SLC43A1: variants seen among roughly 807,000 people sequenced by gnomAD.
SLC43A1 encodes solute carrier family 43 member 1.
SLC43A1 carries 31 observed loss-of-function variants against 59.5 expected under a neutral mutation model. The ratio of observed to expected loss-of-function variants is 0.52; its 90% CI spans 0.39 to 0.70. The LOEUF (loss-of-function observed/expected upper bound fraction) is 0.70, where lower values mean the gene tolerates loss of function less well. Among genes scored for constraint, SLC43A1 ranks in the 30% least tolerant of loss-of-function variants. The probability of loss-of-function intolerance (pLI) is 0.00; values close to 1 mark genes in which losing one functional copy is unlikely to be tolerated. For missense variants in SLC43A1, 598 were observed against 717.8 expected (o/e 0.83, Z 1.91); for synonymous variants, 259 against 290.9 (o/e 0.89, Z 1.12).
chr11:57,503,619 G>A (rs895605769), intron 2 of SLC43A1, among the ~76,000 whole-genome samples: 6 of 152,086 alleles, frequency 3.9e-5, no homozygotes, highest in African/African-American at 7.2e-5. Flanking sequence ...AACTGTGCCC[G>A]GCCTCTCTAC....
At chr11:57,485,452 C>T (rs1943704442) in intron 14 of SLC43A1, among the ~76,000 whole-genome samples, 1 of 152,228 alleles carries the variant, frequency 6.6e-6, no homozygotes, top group Admixed American at 6.5e-5. Context: ...TCAGGTATAA[C>T]AAGTGGCAGG....
chr11:57,486,643 C>CA (rs745863972), intron 14 of SLC43A1, among the ~76,000 whole-genome samples: 453 of 134,268 alleles, frequency 3.4e-3, no homozygotes, highest in Non-Finnish European at 5.0e-3. Flanking sequence ...ACTAAAAATC[C>CA]AAAAAAAAAA....
intron 2 of SLC43A1, among the ~76,000 whole-genome samples, chr11:57,506,680 A>G (rs752426713): frequency 2.1e-5 from 3 of 144,462 alleles, no homozygotes; most frequent in African/African-American, 7.9e-5. Context: ...CTGGAGTCCA[A>G]TGTGAAACTA....
intron 2 of SLC43A1, among the ~76,000 whole-genome samples, chr11:57,510,064 A>G (rs747469650): frequency 1.3e-5 from 2 of 151,410 alleles, no homozygotes; most frequent in Non-Finnish European, 2.9e-5. Flanking sequence ...CCAAAAGCCA[A>G]TAAGCACAGG....
Position 57,514,265 on chromosome 11 carries a change from G to A in SLC43A1, c.-13-141C>T. ...GCCCCATAGAGCCCTGGGCTTCCCA[G>A]CCGGTGCCAAGGAGCTGGCTCCGCG... On this transcript the variant is annotated intron_variant, in intron 1 of 14. Coordinates refer to ENST00000278426, the MANE Select transcript of SLC43A1 (RefSeq NM_003627.6). The surrounding 1 kb of genome is among the most constrained non-coding windows in gnomAD (Gnocchi z 5.5). 1 of 1,049,254 alleles carries A rather than the reference G, an allele frequency of 9.5e-7. No homozygotes were observed. The highest frequency in any genetic ancestry group is 1.3e-6 in the Non-Finnish European group (1 of 749,344). 65.0% of individuals were successfully genotyped at this position (1,049,254 alleles called of 1,614,324 possible). A position where few individuals can be genotyped will look rare whatever the true frequency, so the allele number is the denominator to read the frequency against.
chr11:57,507,116 C>T (rs1314717440), intron 2 of SLC43A1, among the ~76,000 whole-genome samples: 1 of 152,066 alleles, frequency 6.6e-6, no homozygotes, highest in Non-Finnish European at 1.5e-5. Context: ...TCACTTGAGC[C>T]CAGGAGTTCA....
intron 5 of SLC43A1, 135 bp downstream of exon 5, chr11:57,500,644 C>G: frequency 1.3e-6 from 1 of 759,536 alleles, no homozygotes; most frequent in Non-Finnish European, 2.3e-6. Context: ...CACAGTTTCT[C>G]ACACACTCAC....
rs1404546347 is a variant in SLC43A1, at chr11:57,501,122, C to T, written c.332+30G>A. ...CTCCCCCTGCAGCACGGTCCCTGTCCTCCCGTTCCCCATAGCCCAGCCACC... is the reference window on the plus strand; with the variant it reads ...CTCCCCCTGCAGCACGGTCCCTGTCTTCCCGTTCCCCATAGCCCAGCCACC... On this transcript the variant is annotated intron_variant, in intron 3 of 14. Transcript: ENST00000278426. 31 of 1,612,940 alleles carry T rather than the reference C, an allele frequency of 1.9e-5. No individual in the cohort carries two copies. In the East Asian group the frequency reaches 6.9e-4, roughly 36 times the overall value.
At chr11:57,501,729 G>A (rs1188294495) in intron 2 of SLC43A1, among the ~76,000 whole-genome samples, 1 of 152,202 alleles carries the variant, frequency 6.6e-6, no homozygotes, top group African/African-American at 2.4e-5. Context: ...GCCCGGCGTG[G>A]TAGTTCATGC....
At position 57,514,200 on chromosome 11, in the gene SLC43A1, G is replaced by A; in HGVS notation, c.-13-76C>T. Reference sequence around the variant, plus strand: ...AGGGTCCTGCATCATGGTGGCACCCGAGACCTCTCGGGCCAGCCCGCGAGG... The same window carrying A: ...AGGGTCCTGCATCATGGTGGCACCCAAGACCTCTCGGGCCAGCCCGCGAGG... On this transcript the variant is annotated intron_variant, in intron 1 of 14. Coordinates refer to ENST00000278426, the MANE Select transcript of SLC43A1 (RefSeq NM_003627.6). This position sits in a 1 kb window ranked among gnomAD's most constrained non-coding sequence, Gnocchi z 5.5. The A allele has an allele frequency of 4.8e-6, 7 of 1,452,224 alleles. No individual in the cohort carries two copies. Among genetic ancestry groups the A allele is most frequent in the Non-Finnish European group, 6.3e-6 (7 of 1,107,078 alleles). The allele number at this position is 1,452,224 out of a possible 1,614,324, so 90.0% of individuals were successfully genotyped here. A position where few individuals can be genotyped will look rare whatever the true frequency, so the allele number is the denominator to read the frequency against.
At chr11:57,488,042 C>A (rs534649078) in intron 13 of SLC43A1, among the ~76,000 whole-genome samples, 57 of 152,100 alleles carry the variant, frequency 3.7e-4, no homozygotes, top group Non-Finnish European at 7.3e-4. Flanking sequence ...GGCTTTTACT[C>A]TGAGACAGAT....
intron 7 of SLC43A1, among the ~76,000 whole-genome samples, chr11:57,495,546 G>C (rs1944052454): frequency 6.6e-6 from 1 of 152,100 alleles, no homozygotes; most frequent in Non-Finnish European, 1.5e-5. Flanking sequence ...CCCATGGGAG[G>C]CTGGGCACAG....
At chr11:57,496,563 G>A (rs754990239) in intron 6 of SLC43A1, among the ~76,000 whole-genome samples, 7 of 152,114 alleles carry the variant, frequency 4.6e-5, no homozygotes, top group South Asian at 2.1e-4. Context: ...TAGGTTTACC[G>A]GGCCTAATCG....
At chr11:57,485,360 G>C in intron 14 of SLC43A1, 118 bp from the exon 15 acceptor site, 1 of 907,584 alleles carries the variant, frequency 1.1e-6, no homozygotes, top group Non-Finnish European at 1.6e-6. Context: ...AATACAGCTA[G>C]TACTTATTAT....
intron 2 of SLC43A1, among the ~76,000 whole-genome samples, chr11:57,509,633 GGAAGGAAGGAAGGAA>G (rs1944477835): frequency 7.4e-6 from 1 of 134,412 alleles, no homozygotes; most frequent in African/African-American, 2.8e-5. Flanking sequence ...AAGGAAGGAA[GGAAGGAAGGAAGGAA>G]GGAGGGAGGG....
At chr11:57,513,133 A>G (rs1329919444) in intron 2 of SLC43A1, among the ~76,000 whole-genome samples, 1 of 152,250 alleles carries the variant, frequency 6.6e-6, no homozygotes, top group African/African-American at 2.4e-5. Context: ...CACCGAAGTC[A>G]CCAACTGATA....
intron 11 of SLC43A1, 71 bp from the exon 12 acceptor site, chr11:57,489,463 C>G: frequency 1.3e-6 from 2 of 1,571,608 alleles, no homozygotes; most frequent in Non-Finnish European, 1.7e-6. Context: ...GGCCTGGCCC[C>G]TCCCCCTTCA....
intron 8 of SLC43A1, among the ~76,000 whole-genome samples, chr11:57,493,234 C>G (rs1943986603): frequency 6.6e-6 from 1 of 152,178 alleles, no homozygotes; most frequent in Admixed American, 6.5e-5. Context: ...GCAGGTCAGC[C>G]TAACTCCAGC....
At chr11:57,511,023 T>A (rs1485365504) in intron 2 of SLC43A1, among the ~76,000 whole-genome samples, 1 of 152,110 alleles carries the variant, frequency 6.6e-6, no homozygotes, top group Non-Finnish European at 1.5e-5. Context: ...TGAAATAGTG[T>A]AGCCACTTTG....
Sources: gnomAD v4.1 joint callset for allele counts (sites outside exome capture counted in the v4.1 genomes callset) on GRCh38, gnomAD v4.1.1 for gene constraint, Gnocchi (gnomAD v3.1) non-coding constraint, MANE v1.5 for transcripts, NCBI Gene and HGNC (gene_info 2026-07-23, HGNC 2026-07-21) for gene names.